The following BBS9 variants were observed in gnomAD, a reference collection of about 807,000 sequenced individuals.
BBS9 encodes the protein Bardet-Biedl syndrome 9.
Under a neutral mutation model 117.7 loss-of-function variants are expected in BBS9, and 89 were observed. The observed-to-expected ratio is 0.76, with a 90% CI of 0.64 to 0.90. BBS9 has a LOEUF of 0.90. Ranked by LOEUF, BBS9 falls within the 40% of genes least tolerant of loss-of-function variation. BBS9 has a pLI of 0.00. For synonymous variants in BBS9, 379 were observed against 370.9 expected (o/e 1.02, Z -0.25); for missense variants, 982 against 1,042.2 (o/e 0.94, Z 0.80).
intron 9 of BBS9, among the ~76,000 whole-genome samples, chr7:33,297,053 A>G (rs1182186482): frequency 6.6e-6 from 1 of 152,174 alleles, no homozygotes; most frequent in African/African-American, 2.4e-5. Flanking sequence ...TAAAAGAGTC[A>G]TTGTTGACAT....
intron 9 of BBS9, among the ~76,000 whole-genome samples, chr7:33,333,019 C>G (rs888018422): frequency 2.6e-5 from 4 of 152,064 alleles, no homozygotes; most frequent in African/African-American, 9.7e-5. Context: ...CTGGAAACCA[C>G]CATTCAACTT....
chr7:33,142,428 A>G (rs1246241041), intron 1 of BBS9, among the ~76,000 whole-genome samples: 1 of 152,214 alleles, frequency 6.6e-6, no homozygotes, highest in African/African-American at 2.4e-5. Flanking sequence ...CTAAAACTGT[A>G]TATTTTTTAT....
At chr7:33,257,505 A>G in intron 6 of BBS9, 95 bp downstream of exon 6, 1 of 1,072,346 alleles carries the variant, frequency 9.3e-7, no homozygotes, top group Non-Finnish European at 1.4e-6. Context: ...ATCACAAATG[A>G]AAAAGAGATC....
intron 20 of BBS9, among the ~76,000 whole-genome samples, chr7:33,512,735 C>T (rs1462609395): frequency 2.6e-5 from 4 of 152,202 alleles, no homozygotes; most frequent in Non-Finnish European, 4.4e-5. Flanking sequence ...TGCTGGCCTT[C>T]GTTCCTTTAA....
intron 19 of BBS9, among the ~76,000 whole-genome samples, chr7:33,407,128 C>G (rs1160701210): frequency 3.3e-5 from 5 of 152,158 alleles, no homozygotes; most frequent in East Asian, 1.9e-4. Flanking sequence ...AGGCTTTGCT[C>G]ATTTCTTTTT....
At chr7:33,257,432 T>C in intron 6 of BBS9, 22 bp downstream of exon 6, 1 of 1,611,310 alleles carries the variant, frequency 6.2e-7, no homozygotes, top group Non-Finnish European at 8.5e-7. Flanking sequence ...TGTTAAGTCT[T>C]CAGAATCATG....
At chr7:33,437,548 C>T (rs1204256340) in intron 19 of BBS9, among the ~76,000 whole-genome samples, 1 of 152,120 alleles carries the variant, frequency 6.6e-6, no homozygotes, top group African/African-American at 2.4e-5. Context: ...GAAGTCATAG[C>T]TTCTTAGATA....
At chr7:33,382,664 A>G (rs1825294743) in intron 17 of BBS9, among the ~76,000 whole-genome samples, 1 of 152,160 alleles carries the variant, frequency 6.6e-6, no homozygotes, top group Admixed American at 6.5e-5. Flanking sequence ...CTCTCTTACT[A>G]ACTGGCTAGT....
At chr7:33,568,424 C>T (rs1040830748) in intron 21 of BBS9, among the ~76,000 whole-genome samples, 2 of 152,184 alleles carry the variant, frequency 1.3e-5, no homozygotes, top group African/African-American at 4.8e-5. Flanking sequence ...TTACCCCTAT[C>T]ATGGATTTAT....
At chr7:33,412,569 G>A (rs1483216817) in intron 19 of BBS9, among the ~76,000 whole-genome samples, 1 of 152,188 alleles carries the variant, frequency 6.6e-6, no homozygotes, top group African/African-American at 2.4e-5. Context: ...TGCAGCTGCT[G>A]TGGAAAGTAC....
At chr7:33,447,624 G>A (rs1837186939) in intron 19 of BBS9, among the ~76,000 whole-genome samples, 1 of 152,118 alleles carries the variant, frequency 6.6e-6, no homozygotes, top group South Asian at 2.1e-4. Context: ...ATTTAGAGAA[G>A]TTTACTATCA....
At chr7:33,207,548 T>G (rs891927458) in intron 5 of BBS9, among the ~76,000 whole-genome samples, 2 of 152,036 alleles carry the variant, frequency 1.3e-5, no homozygotes, top group African/African-American at 2.4e-5. Context: ...TTTTTTTTTT[T>G]TTGTTAGCAT....
At chr7:33,258,808 C>T (rs903936800) in intron 6 of BBS9, among the ~76,000 whole-genome samples, 1 of 152,168 alleles carries the variant, frequency 6.6e-6, no homozygotes, top group Non-Finnish European at 1.5e-5. Flanking sequence ...TTGATAATAA[C>T]TCTGGGAGTG....
At chr7:33,398,743 T>C (rs1162241665) in intron 19 of BBS9, among the ~76,000 whole-genome samples, 1 of 152,208 alleles carries the variant, frequency 6.6e-6, no homozygotes, top group Non-Finnish European at 1.5e-5. Context: ...ATTTAATTAA[T>C]TAATTTATTT....
At chr7:33,334,596 A>C (rs1222393252) in intron 9 of BBS9, among the ~76,000 whole-genome samples, 1 of 152,188 alleles carries the variant, frequency 6.6e-6, no homozygotes, top group South Asian at 2.1e-4. Context: ...GTTACCTGCA[A>C]AGAAAGGTTC....
intron 5 of BBS9, among the ~76,000 whole-genome samples, chr7:33,233,787 A>G (rs1312796467): frequency 2.0e-5 from 3 of 152,080 alleles, no homozygotes; most frequent in African/African-American, 7.2e-5. Context: ...GCTAAGAAAA[A>G]CAAACCTTTT....
chr7:33,174,275 C>A (rs1334255173), intron 4 of BBS9, among the ~76,000 whole-genome samples: 1 of 152,214 alleles, frequency 6.6e-6, no homozygotes, highest in East Asian at 1.9e-4. Context: ...TAGTGGGTAC[C>A]TCGCTTGGTC....
intron 5 of BBS9, among the ~76,000 whole-genome samples, chr7:33,231,515 C>T (rs1792436279): frequency 6.7e-6 from 1 of 149,578 alleles, no homozygotes; most frequent in Non-Finnish European, 1.5e-5. Context: ...GTGGTGCCTC[C>T]AACTTTGTTT....
chr7:33,598,837 C>CGATACTGTATGCAGAG (rs1563428073), intron 21 of BBS9, among the ~76,000 whole-genome samples: 12 of 152,154 alleles, frequency 7.9e-5, no homozygotes, highest in African/African-American at 2.4e-4. Context: ...TTGAAAATTA[C>CGATACTGTATGCAGAG]AATACTGTAT....
Sources: gnomAD v4.1 joint callset for allele counts (sites outside exome capture counted in the v4.1 genomes callset) on GRCh38, gnomAD v4.1.1 for gene constraint, MANE v1.5 for transcripts, NCBI Gene and HGNC (gene_info 2026-07-23, HGNC 2026-07-21) for gene names.